TNS3: variants seen among roughly 807,000 people sequenced by gnomAD.
The protein encoded by TNS3 is tensin 3, also known as tensin-3.
Under a neutral mutation model 140.9 loss-of-function variants are expected in TNS3, and 45 were observed. That is an observed-to-expected ratio of 0.32 (90% CI 0.25 to 0.41). TNS3 has a LOEUF of 0.41. Among genes scored for constraint, TNS3 ranks in the 10% least tolerant of loss-of-function variants. TNS3 has a pLI of 1.00. For missense variants in TNS3, 1,716 were observed against 1,906.7 expected, an observed-to-expected ratio of 0.90 and a Z score of 1.86; for synonymous variants, 815 against 788.4, an observed-to-expected ratio of 1.03 and a Z score of -0.56.
chr7:47,283,835 T>A lies in TNS3; in HGVS notation c.3959A>T (p.Glu1320Val). The part of the protein sequence containing the change: ...ACNVWYLNSV[E>V]MESLTGHQAI... ...CTGGTGGCCGGTGAGGGACTCCATC[T>A]CCACAGAGTTCAAGTACCACACATT... The change falls in exon 28 of 31, where the codon GAG becomes GTG. Residue 1320 changes from glutamate (E) to valine (V), a missense_variant. Around this residue, in one of 3 missense-constraint regions of TNS3, gnomAD observed 216 missense variants for 295.7 expected, o/e 0.73. Transcript: ENST00000311160. The A allele has an allele frequency of 1.2e-6, 2 of 1,607,494 alleles. No individual in the cohort carries two copies. Among genetic ancestry groups the A allele is most frequent in the African/African-American group, 1.3e-5 (1 of 74,618 alleles).
At chr7:47,461,083 A>G (rs1233827437) in intron 4 of TNS3, among the ~76,000 whole-genome samples, 1 of 152,198 alleles carries the variant, frequency 6.6e-6, no homozygotes, top group Non-Finnish European at 1.5e-5. Context: ...AAAAACGGGA[A>G]AGAGCATATT....
intron 26 of TNS3, 22 bp downstream of exon 26, chr7:47,292,806 A>G: frequency 6.2e-7 from 1 of 1,609,758 alleles, no homozygotes; most frequent in Non-Finnish European, 8.5e-7. Context: ...ACAGAGCCTG[A>G]CTAGCACTGA....
intron 16 of TNS3, among the ~76,000 whole-genome samples, chr7:47,395,737 A>T (rs532830600): frequency 1.3e-5 from 2 of 152,338 alleles, no homozygotes; most frequent in Non-Finnish European, 1.5e-5. Context: ...CTTGCCCACT[A>T]GCCCCAGATA....
intron 1 of TNS3, among the ~76,000 whole-genome samples, chr7:47,563,587 A>G (rs1800361921): frequency 6.6e-6 from 1 of 152,204 alleles, no homozygotes. Context: ...AAGTCGACTT[A>G]CAGAAGCTCT....
At chr7:47,454,869 G>A (rs914093633) in intron 4 of TNS3, among the ~76,000 whole-genome samples, 14 of 152,172 alleles carry the variant, frequency 9.2e-5, no homozygotes, top group African/African-American at 1.9e-4. Flanking sequence ...TAATGAGCCC[G>A]TGTTAATGTC....
chr7:47,437,585 G>A (rs544395596), intron 6 of TNS3, among the ~76,000 whole-genome samples: 1 of 151,090 alleles, frequency 6.6e-6, no homozygotes, highest in African/African-American at 2.4e-5. Context: ...TGTGGTCACA[G>A]AATAAAAAAC....
At chr7:47,390,747 A>G (rs143935356) in intron 16 of TNS3, among the ~76,000 whole-genome samples, 6 of 152,136 alleles carry the variant, frequency 3.9e-5, no homozygotes, top group Non-Finnish European at 7.4e-5. Flanking sequence ...CTGCTGCTCA[A>G]CCCTTCCTCT....
intron 20 of TNS3, among the ~76,000 whole-genome samples, chr7:47,310,612 C>T (rs975826073): frequency 6.6e-6 from 1 of 152,174 alleles, no homozygotes; most frequent in African/African-American, 2.4e-5. Context: ...CCACCCCACA[C>T]ACAGAAAAAA....
intron 16 of TNS3, among the ~76,000 whole-genome samples, chr7:47,379,128 C>T (rs1791593692): frequency 6.6e-6 from 1 of 152,178 alleles, no homozygotes; most frequent in African/African-American, 2.4e-5. Flanking sequence ...GGCATTCTCA[C>T]ATTTGCGAGG....
chr7:47,444,826 A>G (rs1795647480), intron 4 of TNS3, among the ~76,000 whole-genome samples: 1 of 152,256 alleles, frequency 6.6e-6, no homozygotes, highest in African/African-American at 2.4e-5. Context: ...ACCAATAGTT[A>G]TATAATTTCT....
At chr7:47,542,607 G>C (rs1455725705) in intron 1 of TNS3, among the ~76,000 whole-genome samples, 1 of 152,168 alleles carries the variant, frequency 6.6e-6, no homozygotes, top group Non-Finnish European at 1.5e-5. Flanking sequence ...GAGTGTGAGG[G>C]AGTTTCTATG....
At chr7:47,365,479 T>A in intron 17 of TNS3, among the ~76,000 whole-genome samples, 1 of 147,416 alleles carries the variant, frequency 6.8e-6, no homozygotes, top group East Asian at 2.0e-4. Context: ...AAGTAACGAG[T>A]TTGGCTGGGA....
chr7:47,425,705 C>T (rs544593516), intron 9 of TNS3, among the ~76,000 whole-genome samples: 19 of 152,274 alleles, frequency 1.2e-4, no homozygotes, highest in Admixed American at 6.5e-4. Context: ...GCTGAGAATA[C>T]ATTTTGACCA....
chr7:47,366,543 C>T (rs112557513), intron 17 of TNS3, among the ~76,000 whole-genome samples: 4,961 of 152,264 alleles, frequency 0.033, 268 homozygotes, highest in African/African-American at 0.11. Context: ...TTGCATCACT[C>T]AGGCAACCCA....
intron 2 of TNS3, among the ~76,000 whole-genome samples, chr7:47,519,736 C>T (rs1798900707): frequency 6.6e-6 from 1 of 151,778 alleles, no homozygotes; most frequent in Admixed American, 6.6e-5. Flanking sequence ...CCATGCTCAC[C>T]CTAGGTTAGG....
chr7:47,458,868 G>C (rs969451134), intron 4 of TNS3, among the ~76,000 whole-genome samples: 12 of 152,152 alleles, frequency 7.9e-5, no homozygotes, highest in African/African-American at 2.9e-4. Context: ...AAAGTTACTT[G>C]GTTATAGAAA....
intron 4 of TNS3, among the ~76,000 whole-genome samples, chr7:47,478,135 G>A (rs1197290541): frequency 2.6e-5 from 4 of 152,296 alleles, no homozygotes; most frequent in East Asian, 1.9e-4. Context: ...GCACGCCCAC[G>A]GGCTGATCTC....
intron 4 of TNS3, among the ~76,000 whole-genome samples, chr7:47,445,717 C>T (rs1795696185): frequency 6.6e-6 from 1 of 152,174 alleles, no homozygotes; most frequent in Non-Finnish European, 1.5e-5. Context: ...TATGACAGGT[C>T]CCCCTGACAC....
rs1285471177 is a variant in TNS3, at chr7:47,346,341, T to C, written c.2297A>G (p.Gln766Arg). 1 of 1,614,120 alleles carries C rather than the reference T, an allele frequency of 6.2e-7. No individual in the cohort carries two copies. Among genetic ancestry groups the C allele is most frequent in the South Asian group, 1.1e-5 (1 of 91,074 alleles). Residue 766 changes from glutamine to arginine, a missense_variant, in exon 18 of 31, where the codon CAG (glutamine) becomes CGG (arginine). This residue lies in a region of TNS3 where 1,163 missense variants were observed against 1,182.1 expected (regional missense o/e 0.98). Transcript: ENST00000311160. The part of the protein sequence containing the change: ...ATGRQGSSAE[Q>R]PLGGRLRKLS... ...CTTCCTGAGTCTCCCGCCCAGGGGCTGTTCAGCAGAGGAGCCTGTTAAAAG... is the reference window on the plus strand; with the variant it reads ...CTTCCTGAGTCTCCCGCCCAGGGGCCGTTCAGCAGAGGAGCCTGTTAAAAG...
Sources: allele counts gnomAD v4.1 joint callset (sites outside exome capture counted in the v4.1 genomes callset), GRCh38; gene constraint gnomAD v4.1.1; regional missense constraint gnomAD v4.1.1; transcripts MANE v1.5; gene names NCBI Gene and HGNC (gene_info 2026-07-23, HGNC 2026-07-21).